The following AGBL1 variants were observed in gnomAD, a reference collection of about 807,000 sequenced individuals.
AGBL1 encodes the protein cytosolic carboxypeptidase 4.
Under a neutral mutation model 118.9 loss-of-function variants are expected in AGBL1, and 130 were observed. That is an observed-to-expected ratio of 1.09 (90% CI 0.95 to 1.26). AGBL1 has a LOEUF of 1.26. Ranked by LOEUF, AGBL1 falls within the 50% of genes most tolerant of loss-of-function variation. AGBL1 has a pLI of 0.00. For missense variants in AGBL1, 1,584 were observed against 1,298.1 expected (o/e 1.22, Z -3.38); for synonymous variants, 555 against 478.9 (o/e 1.16, Z -2.08).
At chr15:86,849,500 G>GCTTT (rs1223975810) in intron 22 of AGBL1, among the ~76,000 whole-genome samples, 8 of 139,392 alleles carry the variant, frequency 5.7e-5, no homozygotes, top group African/African-American at 2.1e-4. Context: ...TAAGGTGATG[G>GCTTT]CTTTCTTTCT....
chr15:86,472,656 C>T lies in AGBL1; in HGVS notation c.2556-50154C>T, dbSNP rs185601676. 1.2e-3 allele frequency among the ~76,000 whole-genome samples: 190 copies of T among 152,310 alleles called. 2 individuals are homozygous for T. The highest frequency in any genetic ancestry group is 4.4e-3 in the African/African-American group (182 of 41,570). On this transcript the variant is annotated intron_variant, in intron 18 of 22. Transcript: ENST00000614907. ...AGAATAGATTGGGCGCCACGGCTCA[C>T]GCCTGTAATCCCAGTATTTTGGGAG...
At chr15:86,886,898 G>C (rs907796005) in intron 22 of AGBL1, among the ~76,000 whole-genome samples, 4 of 152,072 alleles carry the variant, frequency 2.6e-5, no homozygotes, top group Non-Finnish European at 5.9e-5. Flanking sequence ...GTAAAGACGA[G>C]GTTTTGGAAG....
At chr15:86,513,483 C>T (rs753636135) in intron 18 of AGBL1, among the ~76,000 whole-genome samples, 4 of 151,938 alleles carry the variant, frequency 2.6e-5, no homozygotes, top group Non-Finnish European at 4.4e-5. Flanking sequence ...GTGGTATCTT[C>T]CAGACTTCTC....
chr15:86,644,969 G>A (rs936838733), intron 21 of AGBL1, among the ~76,000 whole-genome samples: 5 of 151,934 alleles, frequency 3.3e-5, no homozygotes, highest in South Asian at 2.1e-4. Context: ...TGCAGCGAGC[G>A]GAGATCAAGC....
chr15:86,967,684 T>A (rs2081068698), intron 23 of AGBL1, among the ~76,000 whole-genome samples: 1 of 152,152 alleles, frequency 6.6e-6, no homozygotes, highest in Non-Finnish European at 1.5e-5. Flanking sequence ...CATTGTTCTA[T>A]ATCTCTGTTT....
At chr15:86,219,945 CTTTTTTTTTTTTT>C (rs68023928) in intron 5 of AGBL1, among the ~76,000 whole-genome samples, 1 of 85,780 alleles carries the variant, frequency 1.2e-5, no homozygotes, top group Non-Finnish European at 2.2e-5. Context: ...AATGCTGCCT[CTTTTTTTTTTTTT>C]TTTTTTTTTT....
intron 23 of AGBL1, among the ~76,000 whole-genome samples, chr15:86,944,977 T>C (rs1003975164): frequency 3.3e-5 from 5 of 152,098 alleles, no homozygotes; most frequent in Admixed American, 6.5e-5. Context: ...TGTATATAAG[T>C]ATTATGAAAT....
intron 18 of AGBL1, among the ~76,000 whole-genome samples, chr15:86,481,297 A>G (rs1171931590): frequency 6.6e-6 from 1 of 151,842 alleles, no homozygotes; most frequent in African/African-American, 2.4e-5. Context: ...CCAGTTTATG[A>G]AAAAGGAAGT....
intron 17 of AGBL1, among the ~76,000 whole-genome samples, chr15:86,370,653 T>C (rs1275761384): frequency 6.6e-6 from 1 of 152,206 alleles, no homozygotes; most frequent in Non-Finnish European, 1.5e-5. Context: ...GCCTGTGATA[T>C]CTAACCTGAG....
At chr15:86,700,468 T>TACACAC (rs67457435) in intron 22 of AGBL1, among the ~76,000 whole-genome samples, 2,767 of 114,682 alleles carry the variant, frequency 0.024, 32 homozygotes, top group Middle Eastern at 0.04. Context: ...AGCAGACTAA[T>TACACAC]ACACACACAC....
intron 5 of AGBL1, among the ~76,000 whole-genome samples, chr15:86,212,218 A>G (rs951143061): frequency 1.3e-5 from 2 of 152,230 alleles, no homozygotes; most frequent in Non-Finnish European, 2.9e-5. Context: ...CTGAGATTTT[A>G]AAGATTATAT....
chr15:86,215,554 C>G (rs1187749929), intron 5 of AGBL1, among the ~76,000 whole-genome samples: 2 of 152,098 alleles, frequency 1.3e-5, no homozygotes, highest in African/African-American at 4.8e-5. Context: ...TGGTGTTGGA[C>G]AGCAGGTGTT....
At chr15:86,766,364 G>A (rs1328603287) in intron 22 of AGBL1, among the ~76,000 whole-genome samples, 2 of 151,570 alleles carry the variant, frequency 1.3e-5, no homozygotes, top group East Asian at 1.9e-4. Context: ...GTTTCCTTCC[G>A]ACCAGACACT....
Position 86,874,516 on chromosome 15 carries a change from G to A in AGBL1, c.3159-32571G>A, listed in dbSNP as rs566921086. On this transcript the variant is annotated intron_variant, in intron 22 of 22. Coordinates refer to ENST00000614907, the MANE Select transcript of AGBL1 (RefSeq NM_001386094.1). ...CTGGCTCCCTTCTAGTTTGAGCAAAGGCCCTGGTTCTTATTGAAGGAGTAC... is the reference window on the plus strand; with the variant it reads ...CTGGCTCCCTTCTAGTTTGAGCAAAAGCCCTGGTTCTTATTGAAGGAGTAC... 3.3e-5 allele frequency among the ~76,000 whole-genome samples: 5 copies of A among 152,164 alleles called. No homozygotes were observed. The East Asian group carries it at 9.7e-4, about 30-fold the overall frequency.
chr15:86,576,533 A>G (rs776534226), intron 21 of AGBL1, among the ~76,000 whole-genome samples: 2 of 152,220 alleles, frequency 1.3e-5, no homozygotes, highest in African/African-American at 2.4e-5. Flanking sequence ...AGTGACTGAC[A>G]CAAGAGTAAG....
chr15:86,788,789 G>T (rs1436746374), intron 22 of AGBL1, among the ~76,000 whole-genome samples: 1 of 152,168 alleles, frequency 6.6e-6, no homozygotes, highest in African/African-American at 2.4e-5. Flanking sequence ...CCTCTCTAAG[G>T]TACAAACATT....
intron 23 of AGBL1, among the ~76,000 whole-genome samples, chr15:86,936,672 A>G (rs2080679678): frequency 6.6e-6 from 1 of 152,242 alleles, no homozygotes; most frequent in South Asian, 2.1e-4. Flanking sequence ...TAAAGACTTA[A>G]TTGTAAAACC....
intron 17 of AGBL1, among the ~76,000 whole-genome samples, chr15:86,360,453 G>A (rs1170301848): frequency 1.3e-5 from 2 of 150,808 alleles, no homozygotes; most frequent in Non-Finnish European, 3.0e-5. Context: ...AATTCAGTTT[G>A]CTAGTATTGA....
intron 18 of AGBL1, among the ~76,000 whole-genome samples, chr15:86,496,748 A>T (rs867132201): frequency 1.6e-4 from 24 of 152,128 alleles, no homozygotes; most frequent in Admixed American, 6.6e-4. Context: ...TACAATGTAC[A>T]TACATACAAT....
Sources: gnomAD v4.1 joint callset for allele counts (sites outside exome capture counted in the v4.1 genomes callset) on GRCh38, gnomAD v4.1.1 for gene constraint, MANE v1.5 for transcripts, NCBI Gene and HGNC (gene_info 2026-07-23, HGNC 2026-07-21) for gene names.